Variants in SLC2A12 observed in about 807,000 individuals in gnomAD.
SLC2A12 encodes the protein solute carrier family 2 member 12, also known as solute carrier family 2, facilitated glucose transporter member 12.
Under a neutral mutation model 41.8 loss-of-function variants are expected in SLC2A12, and 23 were observed. The observed-to-expected ratio is 0.55, with a 90% CI of 0.40 to 0.78. SLC2A12 has a LOEUF of 0.78. Among genes scored for constraint, SLC2A12 ranks in the 30% least tolerant of loss-of-function variants. The probability of loss-of-function intolerance (pLI) is 0.00; values close to 1 mark genes in which losing one functional copy is unlikely to be tolerated. For missense variants in SLC2A12, 654 were observed against 745.6 expected (o/e 0.88, Z 1.43); for synonymous variants, 295 against 285.9 (o/e 1.03, Z -0.32).
rs775081593 is a variant in SLC2A12, at chr6:133,989,390, G to A, written c.*1765C>T. The A allele has an allele frequency of 1.8e-4, 27 of 152,078 alleles. No individual in the cohort carries two copies. Among genetic ancestry groups the A allele is most frequent in the Non-Finnish European group, 3.2e-4 (22 of 68,004 alleles). The allele number at this position is 152,078 out of a possible 1,614,324, so 9.4% of individuals were successfully genotyped here. On this transcript the variant is annotated 3_prime_UTR_variant, in exon 5 of 5. Transcript: ENST00000275230. ...GAATGCTCAAGATACTGAAGTCAAGGTCACTAGTAATAAACTGGCTAGGTT... is the reference window on the plus strand; with the variant it reads ...GAATGCTCAAGATACTGAAGTCAAGATCACTAGTAATAAACTGGCTAGGTT...
intron 3 of SLC2A12, among the ~76,000 whole-genome samples, chr6:134,003,603 C>T (rs1776777962): frequency 6.6e-6 from 1 of 152,184 alleles, no homozygotes; most frequent in African/African-American, 2.4e-5. Flanking sequence ...CCGTGACAGC[C>T]ATTCAAATAT....
intron 2 of SLC2A12, among the ~76,000 whole-genome samples, chr6:134,010,926 A>C (rs890773611): frequency 3.7e-4 from 56 of 152,132 alleles, no homozygotes; most frequent in African/African-American, 1.2e-3. Context: ...AGAAACTGTC[A>C]TTTAACCTTC....
At chr6:133,997,713 G>A (rs1776713073) in intron 4 of SLC2A12, among the ~76,000 whole-genome samples, 1 of 152,104 alleles carries the variant, frequency 6.6e-6, no homozygotes, top group East Asian at 1.9e-4. Context: ...TTCACTACCT[G>A]GGTGACAGAG....
chr6:134,044,545 C>A (rs1455000703), intron 1 of SLC2A12, among the ~76,000 whole-genome samples: 1 of 152,014 alleles, frequency 6.6e-6, no homozygotes, highest in East Asian at 1.9e-4. Context: ...GAAACCCCAT[C>A]TCTACTAAAA....
At chr6:134,037,791 T>C (rs555148201) in intron 1 of SLC2A12, among the ~76,000 whole-genome samples, 1 of 152,212 alleles carries the variant, frequency 6.6e-6, no homozygotes, top group Non-Finnish European at 1.5e-5. Flanking sequence ...TGGGTGCCAG[T>C]GCTCAGTAGA....
intron 1 of SLC2A12, among the ~76,000 whole-genome samples, chr6:134,032,452 ATATATATATATATTTT>A (rs1302399631): frequency 3.4e-4 from 12 of 34,844 alleles, no homozygotes; most frequent in African/African-American, 7.6e-4. Context: ...ATATATAAAT[ATATATATATATATTTT>A]TATATATATA....
At chr6:134,037,688 A>G (rs1326923944) in intron 1 of SLC2A12, among the ~76,000 whole-genome samples, 1 of 151,990 alleles carries the variant, frequency 6.6e-6, no homozygotes, top group African/African-American at 2.4e-5. Context: ...TTGCCTTTAC[A>G]TCCAAGGTTT....
chr6:133,992,221 G>T (rs779059870), intron 4 of SLC2A12, among the ~76,000 whole-genome samples: 1 of 152,198 alleles, frequency 6.6e-6, no homozygotes, highest in South Asian at 2.1e-4. Flanking sequence ...GGGGGAAATT[G>T]ATGCAGTCAG....
chr6:134,008,112 AC>A (rs1277386754), intron 2 of SLC2A12, among the ~76,000 whole-genome samples: 4 of 152,292 alleles, frequency 2.6e-5, no homozygotes, highest in East Asian at 3.9e-4. Flanking sequence ...TCAACCAATT[AC>A]ATAATTTTAT....
In SLC2A12 at chr6:134,028,459, C is replaced by A. The variant is rs753553942; in HGVS notation, c.1366G>T (p.Val456Phe). ...EYQIVTDPGD[V>F]PAFLKWLSLA... ...GACAGCCATTTCAAAAAAGCTGGGA[C>A]GTCCCCAGGGTCTGTGACTATCTGG... Residue 456 changes from valine (V) to phenylalanine (F), a missense_variant, in exon 2 of 5, where the codon GTC becomes TTC. Val to Phe is a conservative substitution (Grantham distance 50). Transcript: ENST00000275230. 14 of 1,614,058 alleles carry A rather than the reference C, an allele frequency of 8.7e-6. No homozygotes were observed. The Admixed American group carries it at 2.3e-4, about 27-fold the overall frequency.
Position 134,028,689 on chromosome 6 carries a change from T to C in SLC2A12, c.1136A>G (p.His379Arg). Reference sequence around the variant, plus strand: ...ATCCAAGGACTGGTTGATAGAATTGTGGCTTCTGCAGATATGGGTGAAGTT... The same window carrying C: ...ATCCAAGGACTGGTTGATAGAATTGCGGCTTCTGCAGATATGGGTGAAGTT... Reference protein sequence around the residue: ...HMNFTHICRSHNSINQSLDES... With the variant: ...HMNFTHICRSRNSINQSLDES... Residue 379 changes from histidine to arginine, a missense_variant, in exon 2 of 5, where the codon CAC (histidine) becomes CGC (arginine). Physicochemically the swap from His to Arg is conservative, Grantham distance 29. Transcript: ENST00000275230. The C allele has an allele frequency of 6.2e-7, 1 of 1,614,244 alleles. No homozygotes were observed. Among genetic ancestry groups the C allele is most frequent in the Non-Finnish European group, 8.5e-7 (1 of 1,180,044 alleles).
intron 2 of SLC2A12, among the ~76,000 whole-genome samples, chr6:134,023,976 G>T (rs1310790659): frequency 1.3e-5 from 2 of 152,200 alleles, no homozygotes; most frequent in East Asian, 3.8e-4. Flanking sequence ...AGAGAAATTT[G>T]CATGATTTGG....
In SLC2A12 at chr6:133,987,599, T is replaced by C. The variant is rs1776551329; in HGVS notation, c.*3556A>G. 6.6e-6 allele frequency: 1 copy of C among 151,496 alleles called. No individual in the cohort carries two copies. The highest frequency in any genetic ancestry group is 6.6e-5 in the Admixed American group (1 of 15,116). 9.4% of individuals were successfully genotyped at this position (151,496 alleles called of 1,614,324 possible). On this transcript the variant is annotated 3_prime_UTR_variant, in exon 5 of 5. Transcript: ENST00000275230. ...CAAGCTTAAGACTTTGGCTAAAGTG[T>C]GTTGGCTTCTTTTTGAAGTGTATTT... is the stretch of plus-strand genomic sequence containing the variant.
chr6:134,012,225 T>C (rs2114442554), intron 2 of SLC2A12, among the ~76,000 whole-genome samples: 1 of 152,300 alleles, frequency 6.6e-6, no homozygotes, highest in East Asian at 1.9e-4. Flanking sequence ...ATTACTTAAA[T>C]TACAAACTAA....
At chr6:134,040,539 C>A (rs1582625683) in intron 1 of SLC2A12, among the ~76,000 whole-genome samples, 1 of 152,218 alleles carries the variant, frequency 6.6e-6, no homozygotes, top group South Asian at 2.1e-4. Context: ...TGTACCCATC[C>A]TCCTGTTCCC....
chr6:133,999,986 G>A (rs1241637647), intron 4 of SLC2A12, among the ~76,000 whole-genome samples: 1 of 152,068 alleles, frequency 6.6e-6, no homozygotes, highest in African/African-American at 2.4e-5. Context: ...AAAGTCTGAG[G>A]CCATTGATTA....
At chr6:134,030,525 G>GT (rs1437038735) in intron 1 of SLC2A12, among the ~76,000 whole-genome samples, 2 of 152,154 alleles carry the variant, frequency 1.3e-5, no homozygotes, top group Non-Finnish European at 2.9e-5. Context: ...CAAAAAGTTA[G>GT]TAACTATTAA....
intron 2 of SLC2A12, among the ~76,000 whole-genome samples, chr6:134,026,495 T>C (rs1197508573): frequency 6.6e-6 from 1 of 152,234 alleles, no homozygotes; most frequent in Non-Finnish European, 1.5e-5. Context: ...AATAAGAGGT[T>C]AGCTCAAATT....
intron 3 of SLC2A12, among the ~76,000 whole-genome samples, chr6:134,003,770 A>ATG (rs1367552825): frequency 1.3e-5 from 2 of 152,122 alleles, no homozygotes; most frequent in African/African-American, 4.8e-5. Flanking sequence ...CCCTCTCGAG[A>ATG]TGTTTTACTC....
Sources: allele counts gnomAD v4.1 joint callset (sites outside exome capture counted in the v4.1 genomes callset), GRCh38; gene constraint gnomAD v4.1.1; transcripts MANE v1.5; gene names NCBI Gene and HGNC (gene_info 2026-07-23, HGNC 2026-07-21).